The following AK9 variants were observed in gnomAD, a reference collection of about 807,000 sequenced individuals.
AK9 encodes adenylate kinase 9.
In AK9, 191 loss-of-function variants were observed where a neutral mutation model predicts 239.6. The ratio of observed to expected loss-of-function variants is 0.80; its 90% CI spans 0.71 to 0.90. The LOEUF is 0.90. Ranked by LOEUF, AK9 falls within the 40% of genes least tolerant of loss-of-function variation. The pLI is 0.00. For synonymous variants in AK9, 689 were observed against 721.0 expected, an observed-to-expected ratio of 0.96 and a Z score of 0.71; for missense variants, 1,995 against 2,214.7, an observed-to-expected ratio of 0.90 and a Z score of 1.99.
intron 1 of AK9, among the ~76,000 whole-genome samples, chr6:109,685,862 C>T (rs1285463670): frequency 6.6e-6 from 1 of 152,174 alleles, no homozygotes; most frequent in Non-Finnish European, 1.5e-5. Context: ...AAAAGATGTA[C>T]AATCCTGCTT....
intron 5 of AK9, among the ~76,000 whole-genome samples, chr6:109,668,014 C>T (rs7752445): frequency 0.58 from 88,617 of 152,068 alleles, 27,506 homozygotes; most frequent in South Asian, 0.84. Flanking sequence ...TACAGTCCCA[C>T]CAACAATGTA....
Position 109,498,661 on chromosome 6 carries a change from G to A in AK9, c.5046+383C>T, listed in dbSNP as rs147369291. 2.6e-5 allele frequency among the ~76,000 whole-genome samples: 4 copies of A among 152,346 alleles called. 1 individual carries two copies. The highest frequency in any genetic ancestry group is 3.9e-4 in the East Asian group (2 of 5,192). On this transcript the variant is annotated intron_variant, in intron 36 of 40. Transcript: ENST00000424296. ...AAAAATTAAAGCAAAGGAGACATAC[G>A]TCAGCTCTTGCTTCATTTCTACTGA...
intron 12 of AK9, 172 bp downstream of exon 12, chr6:109,632,751 C>T: frequency 2.3e-6 from 3 of 1,330,978 alleles, no homozygotes; most frequent in Non-Finnish European, 2.9e-6. Context: ...GAATGCCTAC[C>T]CTACCCCAAG....
rs556227876 is a variant in AK9, at chr6:109,534,939, C to T, written c.3351-1469G>A. ...GTCCCTACAAAGGACATGAACTCAT[C>T]CTTTTTAATGGCTGCATAGTATTCC... On this transcript the variant is annotated intron_variant, in intron 27 of 40. Transcript: ENST00000424296. Among the ~76,000 whole-genome samples, 22 of 152,252 alleles carry T rather than the reference C, an allele frequency of 1.4e-4. No homozygotes were observed. The South Asian group carries it at 4.2e-3, about 29-fold the overall frequency.
chr6:109,659,286 G>C lies in AK9; in HGVS notation c.572C>G (p.Ala191Gly), dbSNP rs141795794. Residue 191 changes from alanine to glycine, a missense_variant, in exon 7 of 41, where the codon GCC (alanine) becomes GGC (glycine). Ala to Gly is a moderately conservative substitution (Grantham distance 60). Around this residue, in one of 5 missense-constraint regions of AK9, gnomAD observed 252 missense variants for 246.4 expected, o/e 1.02. Coordinates refer to ENST00000424296, the MANE Select transcript of AK9 (RefSeq NM_001145128.3). The stretch of plus-strand genomic sequence containing the variant: ...CTCTTCTCCTTTTCCGTCCTTTTGG[G>C]CTTCTTTCTTCTTTTTCCTATGATT... The part of the protein sequence containing the change: ...IENHRKKKKE[A>G]QKDGKGEEEE... 8.7e-6 allele frequency: 14 copies of C among 1,601,646 alleles called. No homozygotes were observed. The African/African-American group carries it at 1.9e-4, about 22-fold the overall frequency.
intron 12 of AK9, among the ~76,000 whole-genome samples, chr6:109,630,791 A>G (rs1796021331): frequency 6.6e-6 from 1 of 152,068 alleles, no homozygotes; most frequent in South Asian, 2.1e-4. Flanking sequence ...GATGCAGTGA[A>G]CTATGATGGT....
chr6:109,524,228 TA>T (rs888586201), intron 29 of AK9, among the ~76,000 whole-genome samples: 2 of 151,638 alleles, frequency 1.3e-5, no homozygotes, highest in Non-Finnish European at 2.9e-5. Flanking sequence ...TATTTGAAAT[TA>T]AAAAAATTGT....
At chr6:109,532,057 A>G (rs1781348419) in intron 28 of AK9, among the ~76,000 whole-genome samples, 1 of 152,180 alleles carries the variant, frequency 6.6e-6, no homozygotes, top group Non-Finnish European at 1.5e-5. Flanking sequence ...CTTGGTTTTA[A>G]CACTTTGGCA....
At chr6:109,674,602 T>C (rs563142917) in intron 2 of AK9, among the ~76,000 whole-genome samples, 3 of 152,368 alleles carry the variant, frequency 2.0e-5, no homozygotes, top group South Asian at 4.1e-4. Flanking sequence ...GAGTCATCAT[T>C]TTATTTCCTT....
chr6:109,645,035 A>G (rs910066962), intron 8 of AK9, among the ~76,000 whole-genome samples: 12 of 152,328 alleles, frequency 7.9e-5, no homozygotes, highest in Middle Eastern at 3.4e-3. Flanking sequence ...TAAGTCACAG[A>G]CTTTCTTCAC....
intron 27 of AK9, among the ~76,000 whole-genome samples, chr6:109,535,212 A>G (rs1380270648): frequency 1.3e-5 from 2 of 152,222 alleles, no homozygotes; most frequent in Non-Finnish European, 2.9e-5. Flanking sequence ...ACTAGTTTAC[A>G]GTCTCACCAA....
chr6:109,514,281 G>A lies in AK9; in HGVS notation c.4222C>T (p.Pro1408Ser), dbSNP rs549008373. ...ATTATAATCCTAATGGGCACAGTAG[G>A]CTTAGGTTTGGGTTGGCGGATATAT... ...IKYIRQPKPK[P>S]TVPIRIIIVG... The change falls in exon 32 of 41, where the codon CCT becomes TCT. Residue 1408 changes from proline (P) to serine (S), a missense_variant. This residue lies in a region of AK9 where 1,290 missense variants were observed against 1,392.7 expected (regional missense o/e 0.93). Coordinates refer to ENST00000424296, the MANE Select transcript of AK9 (RefSeq NM_001145128.3). 1 of 1,551,748 alleles carries A rather than the reference G, an allele frequency of 6.4e-7. No homozygotes were observed. The highest frequency in any genetic ancestry group is 2.4e-5 in the East Asian group (1 of 40,922).
At chr6:109,567,321 A>G (rs1349397228) in intron 21 of AK9, among the ~76,000 whole-genome samples, 1 of 152,212 alleles carries the variant, frequency 6.6e-6, no homozygotes, top group Non-Finnish European at 1.5e-5. Flanking sequence ...AATAAACTAG[A>G]AAATCTAGAA....
intron 40 of AK9, 24 bp downstream of exon 40, chr6:109,493,957 A>G: frequency 1.3e-6 from 2 of 1,510,176 alleles, no homozygotes; most frequent in South Asian, 2.3e-5. Flanking sequence ...TGTTCTGAGT[A>G]GTAAATAATT....
At chr6:109,632,682 G>C in intron 12 of AK9, 1 of 946,076 alleles carries the variant, frequency 1.1e-6, no homozygotes, top group Middle Eastern at 3.9e-4. Context: ...ATTCACATGT[G>C]GGAGCTTTTG....
At chr6:109,615,823 G>C (rs1478542717) in intron 13 of AK9, among the ~76,000 whole-genome samples, 2 of 152,028 alleles carry the variant, frequency 1.3e-5, no homozygotes, top group Non-Finnish European at 2.9e-5. Flanking sequence ...AGTTAAAAAA[G>C]AAACGATAGC....
intron 37 of AK9, 37 bp from the exon 38 acceptor site, chr6:109,497,600 A>G: frequency 7.0e-7 from 1 of 1,433,008 alleles, no homozygotes; most frequent in South Asian, 1.2e-5. Flanking sequence ...CCTCTATTGT[A>G]TAATTAATAT....
At chr6:109,650,005 A>G (rs1215594663) in intron 8 of AK9, among the ~76,000 whole-genome samples, 12 of 152,220 alleles carry the variant, frequency 7.9e-5, no homozygotes, top group Non-Finnish European at 1.8e-4. Flanking sequence ...TATTTAATAA[A>G]TGGTGCTGGG....
intron 17 of AK9, among the ~76,000 whole-genome samples, chr6:109,592,147 A>C (rs1790334976): frequency 1.3e-5 from 2 of 150,476 alleles, no homozygotes; most frequent in South Asian, 4.1e-4. Context: ...ATTTTCAGCA[A>C]TCGAAAATTA....
Sources: allele counts gnomAD v4.1 joint callset (sites outside exome capture counted in the v4.1 genomes callset), GRCh38; gene constraint gnomAD v4.1.1; regional missense constraint gnomAD v4.1.1; transcripts MANE v1.5; gene names NCBI Gene and HGNC (gene_info 2026-07-23, HGNC 2026-07-21).